The following SOX5 variants were observed in gnomAD, a reference collection of about 807,000 sequenced individuals.
SOX5 encodes transcription factor SOX-5.
SOX5 carries 9 observed loss-of-function variants against 92.0 expected under a neutral mutation model. The observed-to-expected ratio is 0.10, with a 90% CI of 0.06 to 0.17. The LOEUF is 0.17. SOX5 is among the 10% of genes least tolerant of loss of function. SOX5 has a pLI of 1.00. For missense variants in SOX5, 642 were observed against 944.5 expected, an observed-to-expected ratio of 0.68 and a Z score of 4.20; for synonymous variants, 344 against 336.3, an observed-to-expected ratio of 1.02 and a Z score of -0.25.
At chr12:23,544,728 G>T (rs1027119400) in intron 12 of SOX5, among the ~76,000 whole-genome samples, 5 of 152,164 alleles carry the variant, frequency 3.3e-5, no homozygotes, top group African/African-American at 4.8e-5. Flanking sequence ...TGTTAATGCT[G>T]ATTACTGTGG....
At chr12:23,921,573 C>G (rs897858418) in intron 1 of SOX5, among the ~76,000 whole-genome samples, 5 of 152,096 alleles carry the variant, frequency 3.3e-5, no homozygotes, top group African/African-American at 1.2e-4. Context: ...CACTTGTTGG[C>G]AAACTTACAT....
chr12:24,397,425 T>C (rs1960328996), intron 1 of SOX5, among the ~76,000 whole-genome samples: 1 of 152,204 alleles, frequency 6.6e-6, no homozygotes, highest in South Asian at 2.1e-4. Context: ...TTAATGTACA[T>C]ATAAATTACC....
At chr12:24,321,960 C>T (rs1950244015) in intron 2 of SOX5, among the ~76,000 whole-genome samples, 1 of 152,092 alleles carries the variant, frequency 6.6e-6, no homozygotes, top group East Asian at 1.9e-4. Context: ...TGAAAGACTA[C>T]AGGACCTTTA....
At chr12:24,523,388 T>C (rs757050300) in intron 1 of SOX5, among the ~76,000 whole-genome samples, 2 of 152,044 alleles carry the variant, frequency 1.3e-5, no homozygotes, top group African/African-American at 4.8e-5. Context: ...GAAAAAACAA[T>C]TATAAAATTC....
chr12:23,888,738 C>T (rs769590104), intron 2 of SOX5, among the ~76,000 whole-genome samples: 1 of 152,088 alleles, frequency 6.6e-6, no homozygotes, highest in Non-Finnish European at 1.5e-5. Flanking sequence ...AAACACAAGC[C>T]TGGGATTATA....
intron 1 of SOX5, among the ~76,000 whole-genome samples, chr12:24,381,240 T>C (rs491312): frequency 0.58 from 88,103 of 152,066 alleles, 25,701 homozygotes; most frequent in Non-Finnish European, 0.62. Context: ...TTCTGTTTCA[T>C]AAAGAGGAAA....
At chr12:24,459,261 A>G (rs1052077637) in intron 1 of SOX5, among the ~76,000 whole-genome samples, 2 of 152,104 alleles carry the variant, frequency 1.3e-5, no homozygotes, top group Non-Finnish European at 2.9e-5. Context: ...CGCTCCATCA[A>G]GTGATGGAGT....
chr12:24,375,422 C>A (rs1174046196), intron 1 of SOX5, among the ~76,000 whole-genome samples: 4 of 151,960 alleles, frequency 2.6e-5, no homozygotes, highest in Admixed American at 6.6e-5. Context: ...TCAACCTGCC[C>A]AGTAAGGTGA....
At chr12:24,508,772 A>T (rs939341430) in intron 1 of SOX5, among the ~76,000 whole-genome samples, 2 of 152,222 alleles carry the variant, frequency 1.3e-5, no homozygotes, top group Non-Finnish European at 2.9e-5. Context: ...GGCAAAGAAC[A>T]GTGGGCTAAG....
At chr12:24,521,256 T>C (rs528919202) in intron 1 of SOX5, among the ~76,000 whole-genome samples, 25 of 152,120 alleles carry the variant, frequency 1.6e-4, no homozygotes, top group Middle Eastern at 3.4e-3. Flanking sequence ...GGTTTCACCA[T>C]GTTGGCCAGG....
chr12:23,755,032 A>G (rs2094317682), intron 4 of SOX5, among the ~76,000 whole-genome samples: 1 of 151,826 alleles, frequency 6.6e-6, no homozygotes, highest in African/African-American at 2.4e-5. Flanking sequence ...AAATTAATTG[A>G]AAGGATAATT....
chr12:23,688,043 C>A (rs985332090), intron 6 of SOX5, among the ~76,000 whole-genome samples: 3 of 151,936 alleles, frequency 2.0e-5, no homozygotes, highest in Non-Finnish European at 4.4e-5. Flanking sequence ...ACAGCTGGAC[C>A]TTTGGGTCCC....
chr12:23,664,500 A>G (rs899900083), intron 7 of SOX5, among the ~76,000 whole-genome samples: 2 of 152,180 alleles, frequency 1.3e-5, no homozygotes, highest in African/African-American at 4.8e-5. Flanking sequence ...TCTGGAAGAT[A>G]TCTAGCTTAG....
intron 4 of SOX5, among the ~76,000 whole-genome samples, chr12:24,053,024 T>A (rs1216693127): frequency 6.6e-6 from 1 of 152,222 alleles, no homozygotes; most frequent in Non-Finnish European, 1.5e-5. Flanking sequence ...TATGTTCTCC[T>A]TGTCTGCCTT....
At chr12:23,864,244 T>G (rs993989231) in intron 2 of SOX5, among the ~76,000 whole-genome samples, 2 of 152,262 alleles carry the variant, frequency 1.3e-5, no homozygotes. Context: ...GACTACACCA[T>G]TGACTGCTAT....
intron 14 of SOX5, 90 bp downstream of exon 14, chr12:23,536,363 G>T: frequency 8.0e-6 from 8 of 1,003,464 alleles, no homozygotes; most frequent in Admixed American, 6.2e-5. Flanking sequence ...TTTTCAAAAT[G>T]TCTTTTTGCA....
intron 3 of SOX5, among the ~76,000 whole-genome samples, chr12:24,261,960 T>C (rs1276018858): frequency 6.6e-6 from 1 of 152,212 alleles, no homozygotes; most frequent in African/African-American, 2.4e-5. Flanking sequence ...AGAGGTTGTA[T>C]TGTGGTAAAT....
At chr12:23,997,170 CAAT>C (rs1395821760) in intron 4 of SOX5, among the ~76,000 whole-genome samples, 1 of 152,082 alleles carries the variant, frequency 6.6e-6, no homozygotes, top group African/African-American at 2.4e-5. Context: ...CTCAGAAAAA[CAAT>C]AAGAGTCTGT....
intron 4 of SOX5, among the ~76,000 whole-genome samples, chr12:24,106,698 G>A (rs2138064812): frequency 6.6e-6 from 1 of 151,480 alleles, no homozygotes; most frequent in Non-Finnish European, 1.5e-5. Context: ...AGGCTGTGGT[G>A]GGGGAATTGC....
Sources: gnomAD v4.1 joint callset for allele counts (sites outside exome capture counted in the v4.1 genomes callset) on GRCh38, gnomAD v4.1.1 for gene constraint, MANE v1.5 for transcripts, NCBI Gene and HGNC (gene_info 2026-07-23, HGNC 2026-07-21) for gene names.